POC1B: variants seen among roughly 807,000 people sequenced by gnomAD.
The protein encoded by POC1B is POC1 centriolar protein homolog B.
POC1B carries 44 observed loss-of-function variants against 60.6 expected under a neutral mutation model. The ratio of observed to expected loss-of-function variants is 0.73; its 90% CI spans 0.57 to 0.93. POC1B has a LOEUF of 0.93. Ranked by LOEUF, POC1B falls within the 40% of genes least tolerant of loss-of-function variation. POC1B has a pLI of 0.00. For synonymous variants in POC1B, 180 were observed against 198.9 expected (o/e 0.90, Z 0.80); for missense variants, 555 against 572.3 (o/e 0.97, Z 0.31).
intron 10 of POC1B, among the ~76,000 whole-genome samples, chr12:89,450,325 A>C (rs1881990675): frequency 1.3e-5 from 2 of 151,338 alleles, no homozygotes; most frequent in South Asian, 4.2e-4. Flanking sequence ...CTCCTGCTTT[A>C]GTTTCTCAAG....
chr12:89,407,536 C>T, the POC1B span, among the ~76,000 whole-genome samples: 2 of 152,166 alleles, frequency 1.3e-5, no homozygotes, highest in Non-Finnish European at 2.9e-5. Context: ...CCAAGCCCAG[C>T]CATTCACTTG....
At chr12:89,523,270 T>C in intron 2 of POC1B, 1 of 1,614,080 alleles carries the variant, frequency 6.2e-7, no homozygotes. Flanking sequence ...GTTTTTCAAA[T>C]ACCAGTCAAA....
intron 5 of POC1B, 22 bp from the exon 6 acceptor site, chr12:89,471,751 A>G: frequency 7.9e-7 from 1 of 1,260,922 alleles, no homozygotes; most frequent in Non-Finnish European, 1.1e-6. Flanking sequence ...GAATAAGATG[A>G]CCTAATATTT....
intron 2 of POC1B, among the ~76,000 whole-genome samples, chr12:89,505,457 T>G (rs1241645886): frequency 6.6e-6 from 1 of 152,214 alleles, no homozygotes; most frequent in African/African-American, 2.4e-5. Context: ...TGTGATATAT[T>G]CATGTTGCAT....
chr12:89,412,321 C>T, the POC1B span, among the ~76,000 whole-genome samples: 1 of 151,462 alleles, frequency 6.6e-6, no homozygotes, highest in Non-Finnish European at 1.5e-5. Flanking sequence ...GTGATCCGTG[C>T]TGGCATTATT....
the POC1B span, among the ~76,000 whole-genome samples, chr12:89,403,727 G>A: frequency 3.9e-5 from 6 of 152,116 alleles, no homozygotes; most frequent in Admixed American, 1.3e-4. Flanking sequence ...AACATTTCCA[G>A]GAACGAGCTA....
chr12:89,501,626 T>C (rs1869569963), intron 2 of POC1B: 4 of 1,285,930 alleles, frequency 3.1e-6, no homozygotes, highest in African/African-American at 1.5e-5. Context: ...AAGAACAAAC[T>C]TGTGTCTGAA....
chr12:89,477,504 T>A (rs1883169648), intron 4 of POC1B, among the ~76,000 whole-genome samples: 1 of 152,100 alleles, frequency 6.6e-6, no homozygotes, highest in Non-Finnish European at 1.5e-5. Context: ...CCAAATGAAT[T>A]CACCCTCTTC....
chr12:89,412,577 G>A, the POC1B span, among the ~76,000 whole-genome samples: 1 of 151,550 alleles, frequency 6.6e-6, no homozygotes, highest in Non-Finnish European at 1.5e-5. Context: ...TCGGGAGGCT[G>A]AGGCAGAAGA....
chr12:89,459,609 TCA>T (rs1491108882), intron 10 of POC1B, 27 bp downstream of exon 10: 12 of 578,758 alleles, frequency 2.1e-5, no homozygotes, highest in Non-Finnish European at 2.0e-5. Flanking sequence ...CACTTAAGTG[TCA>T]AAAAAAAAAA....
chr12:89,408,503 T>G, the POC1B span, among the ~76,000 whole-genome samples: 1 of 151,534 alleles, frequency 6.6e-6, no homozygotes, highest in South Asian at 2.1e-4. Flanking sequence ...TTTTTTTTTT[T>G]GAGACGGAGT....
chr12:89,516,981 CA>C, intron 2 of POC1B, among the ~76,000 whole-genome samples: 1 of 152,256 alleles, frequency 6.6e-6, no homozygotes, highest in East Asian at 1.9e-4. Context: ...CTTACATCTA[CA>C]AAGACTTTTT....
chr12:89,447,144 A>G (rs1384863931), intron 10 of POC1B, among the ~76,000 whole-genome samples: 1 of 152,202 alleles, frequency 6.6e-6, no homozygotes, highest in Non-Finnish European at 1.5e-5. Flanking sequence ...ATTTAAGGTG[A>G]GCAATAGTTT....
At chr12:89,482,903 G>A (rs1028109470) in intron 4 of POC1B, among the ~76,000 whole-genome samples, 2 of 151,972 alleles carry the variant, frequency 1.3e-5, no homozygotes, top group Non-Finnish European at 2.9e-5. Context: ...TGAATCATGG[G>A]GGTGGTTACC....
chr12:89,502,403 G>T, intron 2 of POC1B: 2 of 1,499,590 alleles, frequency 1.3e-6, no homozygotes, highest in Admixed American at 1.7e-5. Flanking sequence ...CCATCAGGAG[G>T]ATTCGTGATT....
At chr12:89,483,448 G>A (rs1204432987) in intron 4 of POC1B, among the ~76,000 whole-genome samples, 1 of 152,126 alleles carries the variant, frequency 6.6e-6, no homozygotes, top group Non-Finnish European at 1.5e-5. Context: ...AATACAGCCT[G>A]TTTCCTGGCT....
Position 89,466,922 on chromosome 12 carries a change from C to A in POC1B, c.880G>T (p.Val294Phe), listed in dbSNP as rs764478624. ...LFASGGADTQVLLWRTNFDEL... is the reference protein window; with the variant it reads ...LFASGGADTQFLLWRTNFDEL... ...TCAAAGTTAGTCCTCCATAATAAGA[C>A]CTATGAAAAAAGTCAATGATGTTGG... The change falls in exon 9 of 12, where the codon GTC becomes TTC. Residue 294 changes from valine (V) to phenylalanine (F), a missense_variant and splice_region_variant. Transcript: ENST00000313546. The A allele has an allele frequency of 5.0e-6, 8 of 1,604,846 alleles. No individual in the cohort carries two copies. The East Asian group carries it at 1.6e-4, about 32-fold the overall frequency.
At chr12:89,509,631 T>C (rs1870077762) in intron 2 of POC1B, among the ~76,000 whole-genome samples, 1 of 152,202 alleles carries the variant, frequency 6.6e-6, no homozygotes, top group African/African-American at 2.4e-5. Flanking sequence ...GGTATATCAA[T>C]TGATATAGGT....
At chr12:89,523,800 T>G (rs773432760) in intron 2 of POC1B, 2 of 1,535,028 alleles carry the variant, frequency 1.3e-6, no homozygotes, top group Non-Finnish European at 1.7e-6. Flanking sequence ...GACACACAAC[T>G]GCTGTTTCAT....
Sources: gnomAD v4.1 joint callset for allele counts (sites outside exome capture counted in the v4.1 genomes callset) on GRCh38, gnomAD v4.1.1 for gene constraint, MANE v1.5 for transcripts, NCBI Gene and HGNC (gene_info 2026-07-23, HGNC 2026-07-21) for gene names.